PTPN14: variants seen among roughly 807,000 people sequenced by gnomAD.
The protein encoded by PTPN14 is protein tyrosine phosphatase non-receptor type 14, also known as tyrosine-protein phosphatase non-receptor type 14.
Under a neutral mutation model 126.8 loss-of-function variants are expected in PTPN14, and 53 were observed. The observed-to-expected ratio is 0.42, with a 90% CI of 0.34 to 0.53. PTPN14 has a LOEUF of 0.53. PTPN14 is among the 20% of genes least tolerant of loss of function. PTPN14 has a pLI of 0.08. For synonymous variants in PTPN14, 630 were observed against 599.3 expected (o/e 1.05, Z -0.75); for missense variants, 1,257 against 1,552.9 (o/e 0.81, Z 3.20).
chr1:214,512,645 TA>T, intron 1 of PTPN14, among the ~76,000 whole-genome samples: 1 of 152,312 alleles, frequency 6.6e-6, no homozygotes, highest in East Asian at 1.9e-4. Context: ...GTTGCACACT[TA>T]AAAAATTTTA....
Position 214,384,293 on chromosome 1 carries a change from T to G in PTPN14, c.1562A>C (p.Asn521Thr). The G allele has an allele frequency of 6.2e-7, 1 of 1,614,170 alleles. No homozygotes were observed. The highest frequency in any genetic ancestry group is 1.1e-5 in the South Asian group (1 of 91,082). Reference protein sequence around the residue: ...VSPSDQRNPKNNVVPSKPGAS... With the variant: ...VSPSDQRNPKTNVVPSKPGAS... The stretch of plus-strand genomic sequence containing the variant: ...CCCCGGCTTGCTTGGTACCACATTA[T>G]TCTTTGGGTTCCTCTGGTCAGATGG... The change falls in exon 13 of 19, where the codon AAT becomes ACT. Residue 521 changes from asparagine (N) to threonine (T), a missense_variant. Asn to Thr is a moderately conservative substitution (Grantham distance 65). Coordinates refer to ENST00000366956, the MANE Select transcript of PTPN14 (RefSeq NM_005401.5). The surrounding 1 kb of genome is among the most constrained non-coding windows in gnomAD (Gnocchi z 5.3).
Position 214,538,745 on chromosome 1 carries a change from T to A in PTPN14, c.-155+12438A>T, listed in dbSNP as rs544627834. Among the ~76,000 whole-genome samples the A allele has an allele frequency of 7.2e-5, 11 of 152,178 alleles. No homozygotes were observed. The East Asian group carries it at 2.1e-3, about 29-fold the overall frequency. ...CTTGGCAGTATTCTAACTAAGTAAG[T>A]GGGGGAGACAGAGGGCAGAAGGCCA... On this transcript the variant is annotated intron_variant, in intron 1 of 18. Coordinates refer to ENST00000366956, the MANE Select transcript of PTPN14 (RefSeq NM_005401.5).
rs139145743 is a variant in PTPN14, at chr1:214,380,975, A to C, written c.2544+2336T>G. On this transcript the variant is annotated intron_variant, in intron 13 of 18. Transcript: ENST00000366956. ...TGAGTGTAGCAGATTTGGGGGAAAA[A>C]AAAATCAACAGGGAAAATGAAGTAG... is the stretch of plus-strand genomic sequence containing the variant. 7.1e-3 allele frequency among the ~76,000 whole-genome samples: 1,079 copies of C among 152,272 alleles called. 17 individuals are homozygous for C. The highest frequency in any genetic ancestry group is 0.025 in the African/African-American group (1,039 of 41,550).
At chr1:214,483,146 T>A in intron 1 of PTPN14, 1 of 1,600,388 alleles carries the variant, frequency 6.2e-7, no homozygotes, top group East Asian at 2.2e-5. Flanking sequence ...AAGTTCACTT[T>A]CTGAAGAATC....
intron 1 of PTPN14, among the ~76,000 whole-genome samples, chr1:214,521,971 C>T (rs1488178560): frequency 6.9e-5 from 8 of 115,190 alleles, no homozygotes; most frequent in Admixed American, 2.2e-4. Flanking sequence ...GAGTCTTGCT[C>T]TGTTGCCCAG....
At chr1:214,426,032 C>CAAAAAAAAAAAAAAAAAAAAAAAAAAAAA (rs66656875) in intron 3 of PTPN14, among the ~76,000 whole-genome samples, 11 of 33,850 alleles carry the variant, frequency 3.2e-4, no homozygotes, top group Non-Finnish European at 5.0e-4. Context: ...GCATAAATCG[C>CAAAAAAAAAAAAAAAAAAAAAAAAAAAAA]AAAAAAAAAA....
intron 7 of PTPN14, among the ~76,000 whole-genome samples, chr1:214,400,716 C>T (rs1658994978): frequency 6.6e-6 from 1 of 152,118 alleles, no homozygotes; most frequent in African/African-American, 2.4e-5. Context: ...CTTCATAAGG[C>T]ATTATGGCAA....
intron 4 of PTPN14, among the ~76,000 whole-genome samples, chr1:214,413,319 G>C (rs1277276365): frequency 6.6e-6 from 1 of 152,256 alleles, no homozygotes; most frequent in Non-Finnish European, 1.5e-5. Context: ...TAAGCAGACA[G>C]AGGTGATACA....
intron 1 of PTPN14, among the ~76,000 whole-genome samples, chr1:214,510,963 G>C (rs562646882): frequency 6.6e-6 from 1 of 151,920 alleles, no homozygotes; most frequent in Admixed American, 6.6e-5. Context: ...CTGCAGCCTC[G>C]AACTGCTGGG....
intron 3 of PTPN14, among the ~76,000 whole-genome samples, chr1:214,446,343 T>C (rs1328071899): frequency 6.6e-6 from 1 of 152,218 alleles, no homozygotes; most frequent in Non-Finnish European, 1.5e-5. Context: ...ATTAACACCT[T>C]AAAGTAGGGC....
At chr1:214,373,099 G>C (rs1658257144) in intron 15 of PTPN14, among the ~76,000 whole-genome samples, 1 of 152,150 alleles carries the variant, frequency 6.6e-6, no homozygotes. Flanking sequence ...CTGCTGCTTA[G>C]GCGGGAGTAC....
chr1:214,427,527 A>G (rs1659696463), intron 3 of PTPN14, among the ~76,000 whole-genome samples: 1 of 152,182 alleles, frequency 6.6e-6, no homozygotes, highest in African/African-American at 2.4e-5. Context: ...TTATTCATTC[A>G]TATTTGACAA....
Position 214,518,514 on chromosome 1 carries a change from A to T in PTPN14, c.-155+32669T>A, listed in dbSNP as rs183968283. 2.0e-5 allele frequency among the ~76,000 whole-genome samples: 3 copies of T among 152,328 alleles called. No homozygotes were observed. The East Asian group carries it at 5.8e-4, about 29-fold the overall frequency. On this transcript the variant is annotated intron_variant, in intron 1 of 18. Transcript: ENST00000366956. ...CCTCTATTATCCACTGTGGTAGATG[A>T]TCTATTTCACAAAGAATGAAAAACA...
chr1:214,418,746 A>G (rs1259164267), intron 3 of PTPN14, among the ~76,000 whole-genome samples: 2 of 152,158 alleles, frequency 1.3e-5, no homozygotes, highest in African/African-American at 4.8e-5. Flanking sequence ...ATTACAGGAC[A>G]TGTTTCATAT....
intron 1 of PTPN14, among the ~76,000 whole-genome samples, chr1:214,526,385 ACTAT>A (rs1240692459): frequency 1.3e-5 from 2 of 152,200 alleles, no homozygotes; most frequent in African/African-American, 4.8e-5. Flanking sequence ...TCCAAAAGTC[ACTAT>A]CTGATTTTCT....
chr1:214,427,171 G>A (rs577516197), intron 3 of PTPN14, among the ~76,000 whole-genome samples: 115 of 151,206 alleles, frequency 7.6e-4, no homozygotes, highest in Non-Finnish European at 5.7e-4. Flanking sequence ...CCAGCTGCTC[G>A]GGAGGCTAAG....
chr1:214,459,472 C>CTTCT (rs1553268614), intron 2 of PTPN14, among the ~76,000 whole-genome samples: 10 of 108,656 alleles, frequency 9.2e-5, no homozygotes, highest in Non-Finnish European at 1.7e-4. Flanking sequence ...TCTTTTCTTT[C>CTTCT]TTTTTTTTTT....
intron 2 of PTPN14, among the ~76,000 whole-genome samples, chr1:214,458,624 T>C (rs1035663406): frequency 9.3e-6 from 1 of 107,570 alleles, no homozygotes; most frequent in African/African-American, 3.7e-5. Flanking sequence ...TACTTCTATT[T>C]AAGGTTACAT....
intron 1 of PTPN14, among the ~76,000 whole-genome samples, chr1:214,509,676 GAC>G (rs1461022914): frequency 9.9e-5 from 15 of 152,118 alleles, no homozygotes; most frequent in African/African-American, 3.4e-4. Flanking sequence ...CTACTATAAA[GAC>G]ACATGCACAT....
Sources: allele counts gnomAD v4.1 joint callset (sites outside exome capture counted in the v4.1 genomes callset), GRCh38; gene constraint gnomAD v4.1.1; non-coding constraint Gnocchi (gnomAD v3.1); transcripts MANE v1.5; gene names NCBI Gene and HGNC (gene_info 2026-07-23, HGNC 2026-07-21).